The following SMCO4 variants were observed in gnomAD, a reference collection of about 807,000 sequenced individuals.
SMCO4 encodes the protein single-pass membrane protein with coiled-coil domains 4.
In SMCO4, 4 loss-of-function variants were observed where a neutral mutation model predicts 3.6. The observed-to-expected ratio is 1.11, with a 90% CI of 0.54 to 2.53. The LOEUF is 2.53. Ranked by LOEUF, SMCO4 falls within the 30% of genes most tolerant of loss-of-function variation. The probability of loss-of-function intolerance (pLI) is 0.02; values close to 1 mark genes in which losing one functional copy is unlikely to be tolerated. For missense variants in SMCO4, 70 were observed against 80.8 expected, an observed-to-expected ratio of 0.87 and a Z score of 0.51; for synonymous variants, 36 against 35.3, an observed-to-expected ratio of 1.02 and a Z score of -0.07.
upstream of SMCO4, among the ~76,000 whole-genome samples, chr11:93,545,091 C>T (rs973909857): frequency 2.0e-5 from 3 of 152,154 alleles, no homozygotes; most frequent in South Asian, 2.1e-4. Flanking sequence ...GTGGTACTGC[C>T]GTGTGAATTG....
chr11:93,481,526 A>G (rs1184204427), intron 2 of SMCO4: 2 of 985,074 alleles, frequency 2.0e-6, no homozygotes, highest in East Asian at 2.3e-4. Context: ...ACATACCAAC[A>G]CCTGGAACAC....
At chr11:93,518,368 T>C (rs1949028334) in intron 1 of SMCO4, among the ~76,000 whole-genome samples, 1 of 152,226 alleles carries the variant, frequency 6.6e-6, no homozygotes, top group Admixed American at 6.5e-5. Context: ...GATGGACACC[T>C]GGCTGAGTTA....
At chr11:93,503,878 A>T (rs990151394) in intron 1 of SMCO4, among the ~76,000 whole-genome samples, 3 of 152,250 alleles carry the variant, frequency 2.0e-5, no homozygotes, top group African/African-American at 7.2e-5. Context: ...GTATTACAGC[A>T]GCAACAGGAA....
the SMCO4 span, among the ~76,000 whole-genome samples, chr11:93,550,224 T>A: frequency 6.6e-6 from 1 of 152,178 alleles, no homozygotes; most frequent in African/African-American, 2.4e-5. Flanking sequence ...CTGGCAAATG[T>A]CAAGTTTCTA....
chr11:93,534,846 T>C (rs898180820), intron 1 of SMCO4, among the ~76,000 whole-genome samples: 1 of 152,084 alleles, frequency 6.6e-6, no homozygotes, highest in Non-Finnish European at 1.5e-5. Flanking sequence ...TGCCAGCCCA[T>C]TGTGTCACAC....
At chr11:93,538,052 GACC>G (rs1002974028) in intron 1 of SMCO4, 4 of 152,548 alleles carry the variant, frequency 2.6e-5, no homozygotes, top group African/African-American at 9.6e-5. Flanking sequence ...GCAAGTTTAT[GACC>G]ACGTCTGGCA....
Position 93,480,869 on chromosome 11 carries a change from C to G in SMCO4, c.-80-1600G>C, listed in dbSNP as rs118012760. Among the ~76,000 whole-genome samples the G allele has an allele frequency of 4.8e-3, 727 of 152,282 alleles. 3 individuals carry two copies. The highest frequency in any genetic ancestry group is 7.3e-3 in the Non-Finnish European group (496 of 68,008). ...TCTCACTCCATTTAGACCCCAAAACCTTTTTTGTATCATTCAAAATCAGGC... is the reference window on the plus strand; with the variant it reads ...TCTCACTCCATTTAGACCCCAAAACGTTTTTTGTATCATTCAAAATCAGGC... On this transcript the variant is annotated intron_variant, in intron 2 of 2. Coordinates refer to ENST00000298966, the MANE Select transcript of SMCO4 (RefSeq NM_020179.3).
intron 2 of SMCO4, among the ~76,000 whole-genome samples, chr11:93,486,896 G>C (rs1948656312): frequency 5.3e-5 from 8 of 152,170 alleles, no homozygotes. Context: ...GAAAAAAACA[G>C]TTGAAGGCGC....
intron 2 of SMCO4, among the ~76,000 whole-genome samples, chr11:93,484,558 T>C (rs925492601): frequency 6.6e-6 from 1 of 152,136 alleles, no homozygotes; most frequent in Non-Finnish European, 1.5e-5. Context: ...TTAGAAATAA[T>C]GTATTATCTG....
upstream of SMCO4, among the ~76,000 whole-genome samples, chr11:93,544,717 T>C (rs182947216): frequency 5.3e-5 from 8 of 152,136 alleles, no homozygotes; most frequent in East Asian, 1.2e-3. Flanking sequence ...TCAGAGGGGA[T>C]TGGGCTGCAT....
intron 2 of SMCO4, among the ~76,000 whole-genome samples, chr11:93,494,661 C>T (rs866384408): frequency 2.0e-5 from 3 of 152,156 alleles, no homozygotes; most frequent in Non-Finnish European, 1.5e-5. Context: ...TCCAGCCTAC[C>T]GTCATACCTA....
the SMCO4 span, among the ~76,000 whole-genome samples, chr11:93,549,652 T>C: frequency 6.6e-6 from 1 of 151,408 alleles, no homozygotes. Flanking sequence ...TGAGACAAGG[T>C]CTCACTATGT....
the SMCO4 span, among the ~76,000 whole-genome samples, chr11:93,549,724 G>T: frequency 6.6e-6 from 1 of 151,946 alleles, no homozygotes; most frequent in Non-Finnish European, 1.5e-5. Flanking sequence ...CTCCCGAAGT[G>T]CTGTGATTAC....
rs1402853761 is a variant in SMCO4 at position 93,520,535 on chromosome 11, A to G, written c.-153-21187T>C. ...CAGCTAAAAGTTTCTGCTCTTGACC[A>G]TTATACTTAACTATCCCTAAACTAT... On this transcript the variant is annotated intron_variant, in intron 1 of 2. Coordinates refer to ENST00000298966, the MANE Select transcript of SMCO4 (RefSeq NM_020179.3). 2.0e-5 allele frequency among the ~76,000 whole-genome samples: 3 copies of G among 152,346 alleles called. No homozygotes were observed. The East Asian group carries it at 5.8e-4, about 29-fold the overall frequency.
At chr11:93,516,514 G>A (rs1949008853) in intron 1 of SMCO4, among the ~76,000 whole-genome samples, 1 of 152,216 alleles carries the variant, frequency 6.6e-6, no homozygotes, top group Non-Finnish European at 1.5e-5. Flanking sequence ...GATCGTCTAG[G>A]CGTGGTGGCT....
At chr11:93,493,983 C>T (rs569011754) in intron 2 of SMCO4, among the ~76,000 whole-genome samples, 1 of 152,308 alleles carries the variant, frequency 6.6e-6, no homozygotes, top group East Asian at 1.9e-4. Context: ...TCTCCTTCCC[C>T]ACAGCCCTCA....
At chr11:93,483,128 G>A (rs1404452734) in intron 2 of SMCO4, among the ~76,000 whole-genome samples, 1 of 152,150 alleles carries the variant, frequency 6.6e-6, no homozygotes, top group Non-Finnish European at 1.5e-5. Context: ...TGTGAGGGTT[G>A]GGGGACTAAA....
At chr11:93,551,891 T>G in the SMCO4 span, among the ~76,000 whole-genome samples, 2 of 152,162 alleles carry the variant, frequency 1.3e-5, no homozygotes, top group African/African-American at 4.8e-5. Flanking sequence ...GGTGTAGAAG[T>G]ACTTCCTGAA....
intron 2 of SMCO4, among the ~76,000 whole-genome samples, chr11:93,480,408 A>AC (rs1948578308): frequency 6.6e-6 from 1 of 151,786 alleles, no homozygotes. Context: ...TGAACTCGCC[A>AC]CCCCCCAGCA....
Sources: allele counts gnomAD v4.1 joint callset (sites outside exome capture counted in the v4.1 genomes callset), GRCh38; gene constraint gnomAD v4.1.1; transcripts MANE v1.5; gene names NCBI Gene and HGNC (gene_info 2026-07-23, HGNC 2026-07-21).